The following PRKCA variants were observed in gnomAD, a reference collection of about 807,000 sequenced individuals.
The protein encoded by PRKCA is protein kinase C alpha.
PRKCA carries 27 observed loss-of-function variants against 87.0 expected under a neutral mutation model. The ratio of observed to expected loss-of-function variants is 0.31; its 90% CI spans 0.23 to 0.43. The LOEUF (loss-of-function observed/expected upper bound fraction) is 0.43. Among genes scored for constraint, PRKCA ranks in the 20% least tolerant of loss-of-function variants. PRKCA has a pLI of 1.00. For missense variants in PRKCA, 518 were observed against 852.3 expected (o/e 0.61, Z 4.88); for synonymous variants, 329 against 311.1 (o/e 1.06, Z -0.61).
chr17:66,502,673 T>C (rs1916790191), intron 3 of PRKCA, among the ~76,000 whole-genome samples: 1 of 151,528 alleles, frequency 6.6e-6, no homozygotes, highest in African/African-American at 2.4e-5. Flanking sequence ...TCTTTTTTTT[T>C]GAGACGAGTC....
At chr17:66,506,438 CTT>C (rs2144151474) in intron 3 of PRKCA, among the ~76,000 whole-genome samples, 1 of 152,182 alleles carries the variant, frequency 6.6e-6, no homozygotes, top group African/African-American at 2.4e-5. Context: ...TGTGTTTTCT[CTT>C]TGAAAGCCGA....
At chr17:66,347,941 C>CTTTTTTCTTTTTTTTTTTTT (rs1907496834) in intron 2 of PRKCA, among the ~76,000 whole-genome samples, 1 of 56,440 alleles carries the variant, frequency 1.8e-5, no homozygotes, top group Admixed American at 3.9e-4. Context: ...AATTCTGAAC[C>CTTTTTTCTTTTTTTTTTTTT]TTTTTTTTTT....
chr17:66,336,654 C>T (rs1906690745), intron 2 of PRKCA, among the ~76,000 whole-genome samples: 1 of 131,882 alleles, frequency 7.6e-6, no homozygotes, highest in Admixed American at 7.1e-5. Flanking sequence ...AATTATTAAA[C>T]ATTTGCCTAT....
At chr17:66,766,806 CTCA>C (rs1974821476) in intron 13 of PRKCA, among the ~76,000 whole-genome samples, 1 of 116,802 alleles carries the variant, frequency 8.6e-6, no homozygotes, top group Non-Finnish European at 1.8e-5. Context: ...GAAACTCCTT[CTCA>C]AAAAAAAAAA....
intron 13 of PRKCA, among the ~76,000 whole-genome samples, chr17:66,763,329 A>G (rs998629534): frequency 1.3e-5 from 2 of 152,212 alleles, no homozygotes; most frequent in Admixed American, 1.3e-4. Context: ...AGACAGTCTC[A>G]GTAGACATGA....
intron 8 of PRKCA, among the ~76,000 whole-genome samples, chr17:66,730,553 C>T (rs908531996): frequency 2.0e-5 from 3 of 152,210 alleles, no homozygotes; most frequent in African/African-American, 7.2e-5. Context: ...TGTAGGGTAA[C>T]TTCCACATAT....
At chr17:66,451,540 A>T (rs1914321901) in intron 2 of PRKCA, among the ~76,000 whole-genome samples, 1 of 152,096 alleles carries the variant, frequency 6.6e-6, no homozygotes, top group Non-Finnish European at 1.5e-5. Flanking sequence ...CATCTACAGG[A>T]GAAGAGGGAT....
intron 2 of PRKCA, among the ~76,000 whole-genome samples, chr17:66,486,483 T>G (rs1915993641): frequency 6.6e-6 from 1 of 151,688 alleles, no homozygotes; most frequent in Non-Finnish European, 1.5e-5. Flanking sequence ...CTGGAAGGAG[T>G]CTTTTATACT....
In PRKCA at chr17:66,679,476, G is replaced by A. The variant is rs529302730; in HGVS notation, c.530-7635G>A. On this transcript the variant is annotated intron_variant, in intron 5 of 16. Coordinates refer to ENST00000413366, the MANE Select transcript of PRKCA (RefSeq NM_002737.3). ...GATTACAGGTTGAGCCACCGTGCCC[G>A]GCCTACACTCACACCTTTAAATCAG... 5.3e-5 allele frequency among the ~76,000 whole-genome samples: 8 copies of A among 152,054 alleles called. No individual in the cohort carries two copies. In the South Asian group the frequency reaches 1.0e-3, roughly 20 times the overall value.
chr17:66,362,388 G>A (rs1186209730), intron 2 of PRKCA, among the ~76,000 whole-genome samples: 1 of 152,158 alleles, frequency 6.6e-6, no homozygotes, highest in Non-Finnish European at 1.5e-5. Context: ...CTTCCTCTGA[G>A]CAGACTCTCC....
chr17:66,606,217 G>A (rs756998004), intron 3 of PRKCA, among the ~76,000 whole-genome samples: 17 of 152,062 alleles, frequency 1.1e-4, no homozygotes, highest in South Asian at 4.2e-4. Context: ...GTGAAACCCC[G>A]TCTTTACTAA....
At chr17:66,786,806 C>A in intron 14 of PRKCA, 61 bp from the exon 15 acceptor site, 1 of 1,394,066 alleles carries the variant, frequency 7.2e-7, no homozygotes, top group Non-Finnish European at 1.0e-6. Flanking sequence ...GCTCTTCAGG[C>A]ACCATGTGAA....
At chr17:66,483,380 C>G (rs1915864007) in intron 2 of PRKCA, among the ~76,000 whole-genome samples, 1 of 152,138 alleles carries the variant, frequency 6.6e-6, no homozygotes, top group South Asian at 2.1e-4. Context: ...AGAAGCATCA[C>G]CCCAGTCTTT....
intron 13 of PRKCA, among the ~76,000 whole-genome samples, chr17:66,745,857 G>A (rs927715175): frequency 1.3e-5 from 2 of 152,094 alleles, no homozygotes; most frequent in African/African-American, 4.8e-5. Flanking sequence ...CCAAGCCCAG[G>A]TCACCTCCAA....
intron 3 of PRKCA, among the ~76,000 whole-genome samples, chr17:66,577,923 G>A (rs1196107397): frequency 1.3e-5 from 2 of 151,892 alleles, no homozygotes. Flanking sequence ...CTTAGCTTCC[G>A]ACCCCTGTCA....
intron 1 of PRKCA, among the ~76,000 whole-genome samples, chr17:66,304,816 T>A (rs1442597207): frequency 6.6e-6 from 1 of 152,122 alleles, no homozygotes; most frequent in African/African-American, 2.4e-5. Context: ...TAGTCGTAGA[T>A]AAGGCTATTT....
intron 8 of PRKCA, among the ~76,000 whole-genome samples, chr17:66,698,807 C>T (rs138720175): frequency 3.0e-5 from 4 of 133,712 alleles, no homozygotes. Context: ...AACCCTGTGT[C>T]TACTAAAAAT....
intron 3 of PRKCA, among the ~76,000 whole-genome samples, chr17:66,532,886 C>T (rs1334191540): frequency 5.9e-5 from 9 of 152,172 alleles, no homozygotes; most frequent in African/African-American, 1.9e-4. Flanking sequence ...CTGCTGCTGT[C>T]GGTGGAATTA....
chr17:66,362,576 G>T (rs1423911213), intron 2 of PRKCA, among the ~76,000 whole-genome samples: 1 of 152,178 alleles, frequency 6.6e-6, no homozygotes, highest in African/African-American at 2.4e-5. Context: ...TGTCTCATGG[G>T]CCTGGGACAC....
Sources: gnomAD v4.1 joint callset for allele counts (sites outside exome capture counted in the v4.1 genomes callset) on GRCh38, gnomAD v4.1.1 for gene constraint, MANE v1.5 for transcripts, NCBI Gene and HGNC (gene_info 2026-07-23, HGNC 2026-07-21) for gene names.